SGCZ: variants seen among roughly 807,000 people sequenced by gnomAD.
SGCZ encodes zeta-sarcoglycan.
In SGCZ, 40 loss-of-function variants were observed where a neutral mutation model predicts 41.3. That is an observed-to-expected ratio of 0.97 (90% CI 0.75 to 1.26). The LOEUF (loss-of-function observed/expected upper bound fraction) is 1.26, where lower values mean the gene tolerates loss of function less well. Among genes scored for constraint, SGCZ ranks in the 50% most tolerant of loss-of-function variants. The probability of loss-of-function intolerance (pLI) is 0.00; values close to 1 mark genes in which losing one functional copy is unlikely to be tolerated. For missense variants in SGCZ, 552 were observed against 369.8 expected, an observed-to-expected ratio of 1.49 and a Z score of -4.04; for synonymous variants, 206 against 137.5, an observed-to-expected ratio of 1.50 and a Z score of -3.49.
intron 1 of SGCZ, among the ~76,000 whole-genome samples, chr8:14,738,426 G>C (rs1055605166): frequency 2.0e-5 from 3 of 151,912 alleles, no homozygotes; most frequent in African/African-American, 7.3e-5. Flanking sequence ...GATATAAGCC[G>C]CTAGCTAGAC....
Position 14,489,866 on chromosome 8 carries a change from C to CA in SGCZ, c.234+64865_234+64866insT, listed in dbSNP as rs142314868. ...ACTGGCTCGCCGAAAAATTCTCCTA[C>CA]CTTTTTTTTTTTTTTCCTGAGATGG... On this transcript the variant is annotated intron_variant, in intron 2 of 7. Coordinates refer to ENST00000382080, the MANE Select transcript of SGCZ (RefSeq NM_139167.4). Among the ~76,000 whole-genome samples the CA allele has an allele frequency of 1.5e-3, 210 of 137,536 alleles. 9 individuals carry two copies. The highest frequency in any genetic ancestry group is 5.7e-3 in the African/African-American group (201 of 35,126). The allele number at this position is 137,536 out of a possible 152,430, so 90.2% of individuals were successfully genotyped here.
intron 1 of SGCZ, among the ~76,000 whole-genome samples, chr8:14,763,744 G>C (rs1277135378): frequency 2.0e-5 from 3 of 152,108 alleles, no homozygotes; most frequent in South Asian, 2.1e-4. Flanking sequence ...AACCATGAAA[G>C]AGTTACTTGT....
intron 1 of SGCZ, among the ~76,000 whole-genome samples, chr8:15,094,371 G>A (rs905101996): frequency 2.6e-5 from 4 of 152,100 alleles, no homozygotes; most frequent in African/African-American, 9.7e-5. Flanking sequence ...CTGACCTCAC[G>A]TGATCCACCT....
At chr8:14,256,355 A>C (rs1463208617) in intron 3 of SGCZ, among the ~76,000 whole-genome samples, 1 of 151,616 alleles carries the variant, frequency 6.6e-6, no homozygotes, top group African/African-American at 2.4e-5. Flanking sequence ...GAAAAAGTGC[A>C]CTTTAACACC....
chr8:15,118,413 A>G (rs963180143), intron 1 of SGCZ, among the ~76,000 whole-genome samples: 2 of 152,124 alleles, frequency 1.3e-5, no homozygotes, highest in African/African-American at 2.4e-5. Context: ...GGAGGCTTGA[A>G]AATGCAGTGG....
intron 1 of SGCZ, among the ~76,000 whole-genome samples, chr8:14,812,046 C>A (rs1284294222): frequency 2.6e-5 from 4 of 151,796 alleles, no homozygotes; most frequent in African/African-American, 7.3e-5. Flanking sequence ...AAGACAGGGC[C>A]AAGCTTATAG....
intron 2 of SGCZ, among the ~76,000 whole-genome samples, chr8:14,411,531 T>A (rs1799360138): frequency 6.6e-6 from 1 of 152,044 alleles, no homozygotes; most frequent in Admixed American, 6.6e-5. Flanking sequence ...GCCTACAGCA[T>A]ATAAAGTTCA....
At chr8:14,224,723 A>G (rs1314234041) in intron 4 of SGCZ, among the ~76,000 whole-genome samples, 1 of 152,174 alleles carries the variant, frequency 6.6e-6, no homozygotes, top group Non-Finnish European at 1.5e-5. Flanking sequence ...GAGGCATAGC[A>G]AAGTAGAGAA....
intron 2 of SGCZ, among the ~76,000 whole-genome samples, chr8:14,490,380 T>C (rs926093577): frequency 4.6e-5 from 7 of 152,188 alleles, no homozygotes; most frequent in Admixed American, 3.3e-4. Flanking sequence ...TATTGTAAGA[T>C]AGAAATATGG....
intron 1 of SGCZ, among the ~76,000 whole-genome samples, chr8:15,015,755 GT>G (rs1803008124): frequency 6.7e-6 from 1 of 149,994 alleles, no homozygotes; most frequent in African/African-American, 2.5e-5. Flanking sequence ...GTGTGTGTGT[GT>G]GTGTGTGTGT....
intron 1 of SGCZ, among the ~76,000 whole-genome samples, chr8:15,047,093 T>C (rs1804333463): frequency 6.6e-6 from 1 of 152,074 alleles, no homozygotes; most frequent in Non-Finnish European, 1.5e-5. Flanking sequence ...TATCAATGTA[T>C]AATGCCTGTC....
intron 2 of SGCZ, among the ~76,000 whole-genome samples, chr8:14,328,538 G>T (rs922119201): frequency 6.6e-6 from 1 of 152,082 alleles, no homozygotes; most frequent in Non-Finnish European, 1.5e-5. Context: ...TTAAAATAGT[G>T]CCTAATTTAT....
rs975339360 is a variant in SGCZ, at chr8:14,643,603, C to A, written c.40-88677G>T. On this transcript the variant is annotated intron_variant, in intron 1 of 7. Coordinates refer to ENST00000382080, the MANE Select transcript of SGCZ (RefSeq NM_139167.4). ...AATAAATGGATGATAATGACTCCAC[C>A]TCCAACCTATTCCCTCATAACTATA... 2.0e-5 allele frequency among the ~76,000 whole-genome samples: 3 copies of A among 151,496 alleles called. No individual in the cohort carries two copies. In the South Asian group the frequency reaches 6.2e-4, roughly 31 times the overall value.
intron 2 of SGCZ, among the ~76,000 whole-genome samples, chr8:14,341,786 C>T (rs1465003760): frequency 6.6e-6 from 1 of 152,146 alleles, no homozygotes; most frequent in East Asian, 1.9e-4. Context: ...TTGCATCTTC[C>T]TCATTTTTCT....
intron 2 of SGCZ, among the ~76,000 whole-genome samples, chr8:14,494,806 C>G (rs73664365): frequency 0.019 from 2,904 of 152,174 alleles, 59 homozygotes; most frequent in African/African-American, 0.047. Flanking sequence ...TTTGCAGTAG[C>G]CTGCAGTGGC....
At chr8:14,319,549 A>C (rs1478559546) in intron 3 of SGCZ, 1 of 152,034 alleles carries the variant, frequency 6.6e-6, no homozygotes, top group African/African-American at 2.4e-5. Flanking sequence ...CAAAACTAGC[A>C]AACAAAACTA....
chr8:15,155,352 A>C (rs1471136288), intron 1 of SGCZ, among the ~76,000 whole-genome samples: 1 of 152,224 alleles, frequency 6.6e-6, no homozygotes, highest in East Asian at 1.9e-4. Flanking sequence ...AATTATCCTG[A>C]TTTGATCATT....
intron 1 of SGCZ, among the ~76,000 whole-genome samples, chr8:14,685,455 A>G (rs1215426191): frequency 1.3e-5 from 2 of 152,234 alleles, no homozygotes; most frequent in East Asian, 1.9e-4. Context: ...TTTCAATCCC[A>G]TAGTTTATGA....
intron 7 of SGCZ, among the ~76,000 whole-genome samples, chr8:14,102,019 G>A (rs1802038072): frequency 6.7e-6 from 1 of 150,278 alleles, no homozygotes; most frequent in African/African-American, 2.5e-5. Flanking sequence ...ACATTCTCCT[G>A]CCTCAGCCTC....
Sources: gnomAD v4.1 joint callset for allele counts (sites outside exome capture counted in the v4.1 genomes callset) on GRCh38, gnomAD v4.1.1 for gene constraint, MANE v1.5 for transcripts, NCBI Gene and HGNC (gene_info 2026-07-23, HGNC 2026-07-21) for gene names.